VWC2L: variants seen among roughly 807,000 people sequenced by gnomAD.
VWC2L encodes the protein von Willebrand factor C domain containing 2 like.
In VWC2L, 10 loss-of-function variants were observed where a neutral mutation model predicts 21.6. The observed-to-expected ratio is 0.46, with a 90% CI of 0.29 to 0.78. The LOEUF (loss-of-function observed/expected upper bound fraction) is 0.78, where lower values mean the gene tolerates loss of function less well. VWC2L is among the 30% of genes least tolerant of loss of function. The probability of loss-of-function intolerance (pLI) is 0.10; values close to 1 mark genes in which losing one functional copy is unlikely to be tolerated. For missense variants in VWC2L, 209 were observed against 277.1 expected, an observed-to-expected ratio of 0.75 and a Z score of 1.74; for synonymous variants, 96 against 94.3, an observed-to-expected ratio of 1.02 and a Z score of -0.10.
intron 3 of VWC2L, among the ~76,000 whole-genome samples, chr2:214,573,158 A>C (rs1226265098): frequency 6.6e-6 from 1 of 152,100 alleles, no homozygotes; most frequent in East Asian, 1.9e-4. Context: ...TTTCACAAAG[A>C]TTCCTCCCTG....
At chr2:214,432,268 T>C (rs1702611221) in intron 2 of VWC2L, among the ~76,000 whole-genome samples, 3 of 152,158 alleles carry the variant, frequency 2.0e-5, no homozygotes. Context: ...AATACAACAA[T>C]GAACAGTATA....
chr2:214,540,331 T>C (rs1236800689), intron 3 of VWC2L, among the ~76,000 whole-genome samples: 2 of 152,136 alleles, frequency 1.3e-5, no homozygotes, highest in Non-Finnish European at 2.9e-5. Context: ...CATTTTAAAA[T>C]TGAGGACACT....
intron 3 of VWC2L, among the ~76,000 whole-genome samples, chr2:214,461,464 A>G (rs11902839): frequency 0.4 from 60,923 of 152,000 alleles, 14,474 homozygotes; most frequent in African/African-American, 0.68. Context: ...TGTTGGCAGT[A>G]GTGGCAGGCT....
intron 3 of VWC2L, among the ~76,000 whole-genome samples, chr2:214,446,626 A>AATGTTT (rs780747826): frequency 5.9e-5 from 9 of 152,172 alleles, no homozygotes; most frequent in Non-Finnish European, 8.8e-5. Context: ...CAAAATTTTG[A>AATGTTT]ATGTTTTCTG....
chr2:214,558,255 G>A (rs1051833996), intron 3 of VWC2L, among the ~76,000 whole-genome samples: 1 of 151,928 alleles, frequency 6.6e-6, no homozygotes, highest in Admixed American at 6.6e-5. Context: ...AAATGACAAT[G>A]TCGTCCTAGG....
At chr2:214,496,914 G>A (rs1042991013) in intron 3 of VWC2L, among the ~76,000 whole-genome samples, 1 of 152,110 alleles carries the variant, frequency 6.6e-6, no homozygotes, top group African/African-American at 2.4e-5. Flanking sequence ...CTTCATATGT[G>A]CATGTGTGTA....
At chr2:214,544,483 C>T (rs148170486) in intron 3 of VWC2L, among the ~76,000 whole-genome samples, 126 of 152,260 alleles carry the variant, frequency 8.3e-4, no homozygotes, top group African/African-American at 2.8e-3. Context: ...CAGGAACATA[C>T]CCCGTACTCC....
At chr2:214,524,196 T>A (rs1358263269) in intron 3 of VWC2L, among the ~76,000 whole-genome samples, 2 of 152,196 alleles carry the variant, frequency 1.3e-5, no homozygotes, top group East Asian at 3.8e-4. Flanking sequence ...CGTGACAAAC[T>A]TTTACCCCTC....
chr2:214,444,549 A>C (rs1195829617), intron 3 of VWC2L, among the ~76,000 whole-genome samples: 2 of 152,060 alleles, frequency 1.3e-5, no homozygotes, highest in Non-Finnish European at 2.9e-5. Context: ...TAACTTTTTA[A>C]ATAAGTTGAC....
chr2:214,498,713 AT>A (rs1559309181), intron 3 of VWC2L, among the ~76,000 whole-genome samples: 2 of 39,312 alleles, frequency 5.1e-5, no homozygotes, highest in Non-Finnish European at 1.6e-4. Context: ...ATATTTTTAT[AT>A]GTGTATATAT....
intron 3 of VWC2L, among the ~76,000 whole-genome samples, chr2:214,461,305 C>A (rs1703136859): frequency 6.6e-6 from 1 of 152,158 alleles, no homozygotes; most frequent in African/African-American, 2.4e-5. Context: ...GGTCCTCATA[C>A]CCCTGGGCAG....
intron 3 of VWC2L, among the ~76,000 whole-genome samples, chr2:214,486,748 C>T (rs185307255): frequency 6.6e-6 from 1 of 152,174 alleles, no homozygotes; most frequent in Non-Finnish European, 1.5e-5. Context: ...CTGCCTAAAG[C>T]TGTCACTACT....
Position 214,414,164 on chromosome 2 carries a change from G to A in VWC2L, c.-30G>A. On this transcript the variant is annotated 5_prime_UTR_variant, in exon 2 of 4. Coordinates refer to ENST00000312504, the MANE Select transcript of VWC2L (RefSeq NM_001080500.4). Reference sequence around the variant, plus strand: ...AGGAGCTGAGTATATTTAATATTAGGAGCACATCCAGAAGTCTTTGAAGAG... The same window carrying A: ...AGGAGCTGAGTATATTTAATATTAGAAGCACATCCAGAAGTCTTTGAAGAG... The A allele has an allele frequency of 6.3e-7, 1 of 1,584,814 alleles. No homozygotes were observed. The highest frequency in any genetic ancestry group is 8.5e-7 in the Non-Finnish European group (1 of 1,172,966).
At chr2:214,449,100 T>C (rs940261314) in intron 3 of VWC2L, among the ~76,000 whole-genome samples, 5 of 152,210 alleles carry the variant, frequency 3.3e-5, no homozygotes, top group African/African-American at 1.2e-4. Flanking sequence ...TGGGAAAATA[T>C]AAGTAACTAA....
intron 2 of VWC2L, among the ~76,000 whole-genome samples, chr2:214,423,875 G>A (rs548250562): frequency 6.6e-6 from 1 of 152,034 alleles, no homozygotes; most frequent in South Asian, 2.1e-4. Context: ...GCTTTCTCAT[G>A]TATTTTGATG....
At chr2:214,507,031 A>G (rs1688977343) in intron 3 of VWC2L, among the ~76,000 whole-genome samples, 1 of 152,162 alleles carries the variant, frequency 6.6e-6, no homozygotes, top group African/African-American at 2.4e-5. Flanking sequence ...CAAAATATAG[A>G]ATTGATTTTA....
At chr2:214,515,459 C>G (rs1559314732) in intron 3 of VWC2L, among the ~76,000 whole-genome samples, 3 of 152,212 alleles carry the variant, frequency 2.0e-5, no homozygotes, top group Admixed American at 1.3e-4. Flanking sequence ...TCTCAAGAGC[C>G]TTAAAGGGAC....
intron 3 of VWC2L, among the ~76,000 whole-genome samples, chr2:214,449,092 G>A (rs1017219935): frequency 6.6e-6 from 1 of 152,124 alleles, no homozygotes; most frequent in African/African-American, 2.4e-5. Flanking sequence ...CTCCACCTTG[G>A]GAAAATATAA....
intron 3 of VWC2L, among the ~76,000 whole-genome samples, chr2:214,527,205 G>A (rs1689354481): frequency 6.6e-6 from 1 of 152,038 alleles, no homozygotes; most frequent in South Asian, 2.1e-4. Context: ...TGGGTATTCA[G>A]GAACATAAAG....
Sources: gnomAD v4.1 joint callset for allele counts (sites outside exome capture counted in the v4.1 genomes callset) on GRCh38, gnomAD v4.1.1 for gene constraint, MANE v1.5 for transcripts, NCBI Gene and HGNC (gene_info 2026-07-23, HGNC 2026-07-21) for gene names.